RAPGEF6: variants seen among roughly 807,000 people sequenced by gnomAD.
The protein encoded by RAPGEF6 is PDZ domain containing guanine nucleotide exchange factor (GEF) 2.
A neutral mutation model predicts 171.4 loss-of-function variants in RAPGEF6; 56 were observed. The observed-to-expected ratio is 0.33, with a 90% CI of 0.26 to 0.41. The LOEUF (loss-of-function observed/expected upper bound fraction) is 0.41. Ranked by LOEUF, RAPGEF6 falls within the 10% of genes least tolerant of loss-of-function variation. RAPGEF6 has a pLI of 1.00. For missense variants in RAPGEF6, 1,674 were observed against 1,921.4 expected (o/e 0.87, Z 2.41); for synonymous variants, 692 against 650.1 (o/e 1.06, Z -0.98).
At chr5:131,489,700 T>C in intron 14 of RAPGEF6, 46 bp from the exon 15 acceptor site, 9 of 1,069,362 alleles carry the variant, frequency 8.4e-6, no homozygotes, top group Non-Finnish European at 1.2e-5. Context: ...ACAGTATTAG[T>C]TACTCCTACA....
intron 4 of RAPGEF6, among the ~76,000 whole-genome samples, chr5:131,573,377 G>A (rs577193804): frequency 4.6e-5 from 7 of 152,166 alleles, no homozygotes; most frequent in South Asian, 2.1e-4. Context: ...ATCAGCCAGC[G>A]TTTAGGGTCT....
intron 15 of RAPGEF6, among the ~76,000 whole-genome samples, chr5:131,487,238 C>T (rs1041943334): frequency 6.6e-6 from 1 of 152,318 alleles, no homozygotes; most frequent in East Asian, 1.9e-4. Flanking sequence ...AGTGTTACAG[C>T]TCTTAAAGGT....
At chr5:131,528,313 T>TTA (rs71590767) in intron 6 of RAPGEF6, among the ~76,000 whole-genome samples, 1,011 of 48,782 alleles carry the variant, frequency 0.021, 27 homozygotes, top group Admixed American at 0.029. Flanking sequence ...TATATTTATA[T>TTA]TATATATATA....
intron 17 of RAPGEF6, chr5:131,469,811 A>G: frequency 6.6e-7 from 1 of 1,523,040 alleles, no homozygotes; most frequent in Non-Finnish European, 8.8e-7. Context: ...AATAAAAACC[A>G]ACAGCTGTAT....
At chr5:131,580,137 G>T (rs1029380672) in intron 4 of RAPGEF6, among the ~76,000 whole-genome samples, 178 of 152,268 alleles carry the variant, frequency 1.2e-3, no homozygotes, top group African/African-American at 4.1e-3. Context: ...CTGTGGGGGG[G>T]GGCTCGGGCA....
intron 16 of RAPGEF6, among the ~76,000 whole-genome samples, chr5:131,473,104 C>T (rs1754862751): frequency 6.6e-6 from 1 of 152,080 alleles, no homozygotes; most frequent in Admixed American, 6.5e-5. Flanking sequence ...TATGCACAGC[C>T]ACACCATAGC....
intron 10 of RAPGEF6, 128 bp from the exon 11 acceptor site, chr5:131,504,906 C>T (rs895947123): frequency 1.1e-6 from 1 of 911,036 alleles, no homozygotes; most frequent in African/African-American, 1.7e-5. Flanking sequence ...TTCCTTTAAT[C>T]TTTAACAAAA....
intron 6 of RAPGEF6, among the ~76,000 whole-genome samples, chr5:131,537,885 G>T (rs966053469): frequency 2.0e-5 from 3 of 151,644 alleles, no homozygotes; most frequent in African/African-American, 7.3e-5. Context: ...TGGAGCCCAC[G>T]AGTTCAAGAC....
chr5:131,491,440 T>C (rs1346771198), intron 14 of RAPGEF6, among the ~76,000 whole-genome samples: 1 of 152,146 alleles, frequency 6.6e-6, no homozygotes, highest in African/African-American at 2.4e-5. Context: ...AAATTTTAAA[T>C]GGGGAGAAAG....
chr5:131,455,662 A>C lies in RAPGEF6; in HGVS notation c.3076+139T>G, dbSNP rs1753439369. The C allele has an allele frequency of 2.7e-5, 18 of 675,770 alleles. No individual in the cohort carries two copies. The East Asian group carries it at 4.9e-4, about 18-fold the overall frequency. The allele number at this position is 675,770 out of a possible 1,614,324, so 41.9% of individuals were successfully genotyped here. A position where few individuals can be genotyped will look rare whatever the true frequency, so the allele number is the denominator to read the frequency against. On this transcript the variant is annotated intron_variant, in intron 20 of 27. Coordinates refer to ENST00000509018, the MANE Select transcript of RAPGEF6 (RefSeq NM_016340.6). ...AACAAATATGTATGGTATGACATCT[A>C]ATTCAACACTAGAAAAATGGTAAAA...
intron 6 of RAPGEF6, among the ~76,000 whole-genome samples, chr5:131,528,613 AT>A (rs1320506769): frequency 6.6e-6 from 1 of 152,062 alleles, no homozygotes; most frequent in African/African-American, 2.4e-5. Context: ...CCACTTTAAT[AT>A]TTTTGAAACC....
rs752593428 is a variant in RAPGEF6, at chr5:131,431,280, A to C, written c.4044T>G (p.Ile1348Met). Residue 1348 changes from isoleucine (I) to methionine (M), a missense_variant, in exon 26 of 28, where the codon ATT becomes ATG. Physicochemically the swap from Ile to Met is conservative, Grantham distance 10. Coordinates refer to ENST00000509018, the MANE Select transcript of RAPGEF6 (RefSeq NM_016340.6). ...CTTCTATAATGATATGCTCTTGAGA[A>C]ATCTCTTCATTGCTCACAGACGATG... is the stretch of plus-strand genomic sequence containing the variant. ...AVSSSVSNEE[I>M]SQEHIIIEAA... The C allele has an allele frequency of 5.0e-6, 8 of 1,614,024 alleles. No homozygotes were observed. Among genetic ancestry groups the C allele is most frequent in the Middle Eastern group, 1.6e-4 (1 of 6,082 alleles).
chr5:131,533,332 T>C (rs532466721), intron 6 of RAPGEF6, among the ~76,000 whole-genome samples: 4 of 152,254 alleles, frequency 2.6e-5, no homozygotes, highest in East Asian at 3.9e-4. Context: ...ATTCTGTACA[T>C]TGATACACAG....
intron 13 of RAPGEF6, among the ~76,000 whole-genome samples, chr5:131,495,194 G>A (rs559716072): frequency 5.1e-4 from 78 of 152,086 alleles, no homozygotes; most frequent in African/African-American, 1.8e-3. Flanking sequence ...TCAGGAGGTT[G>A]AGGTAGGAGA....
intron 1 of RAPGEF6, among the ~76,000 whole-genome samples, chr5:131,618,781 G>C (rs1016117533): frequency 6.6e-6 from 1 of 152,010 alleles, no homozygotes; most frequent in Non-Finnish European, 1.5e-5. Context: ...CTATAACTTT[G>C]GATCACTTAT....
intron 6 of RAPGEF6, among the ~76,000 whole-genome samples, chr5:131,521,824 G>T (rs1349974601): frequency 7.8e-6 from 1 of 128,400 alleles, no homozygotes; most frequent in Non-Finnish European, 1.6e-5. Flanking sequence ...TCCATTTAAG[G>T]GTAGGAATGT....
intron 1 of RAPGEF6, among the ~76,000 whole-genome samples, chr5:131,609,998 C>T (rs1764843712): frequency 6.6e-6 from 1 of 152,216 alleles, no homozygotes; most frequent in African/African-American, 2.4e-5. Context: ...CCAGAAGCAA[C>T]TGGCCTCACA....
chr5:131,566,157 G>GA (rs1175721229), intron 4 of RAPGEF6, among the ~76,000 whole-genome samples: 1,271 of 102,214 alleles, frequency 0.012, 9 homozygotes, highest in African/African-American at 0.038. Context: ...AATAAAGAAA[G>GA]AAAAAAAAAA....
intron 6 of RAPGEF6, among the ~76,000 whole-genome samples, chr5:131,530,937 T>C (rs1170510055): frequency 6.6e-6 from 1 of 152,238 alleles, no homozygotes; most frequent in Non-Finnish European, 1.5e-5. Context: ...TCAGCAATGC[T>C]TGGGCCATAT....
Sources: allele counts gnomAD v4.1 joint callset (sites outside exome capture counted in the v4.1 genomes callset), GRCh38; gene constraint gnomAD v4.1.1; transcripts MANE v1.5; gene names NCBI Gene and HGNC (gene_info 2026-07-23, HGNC 2026-07-21).